The following TPM1 variants were observed in gnomAD, a reference collection of about 807,000 sequenced individuals.
TPM1 encodes tropomyosin 1.
TPM1 carries 24 observed loss-of-function variants against 42.9 expected under a neutral mutation model. The observed-to-expected ratio is 0.56, with a 90% CI of 0.41 to 0.79. The LOEUF is 0.79. TPM1 is among the 30% of genes least tolerant of loss of function. The pLI is 0.00. For synonymous variants in TPM1, 136 were observed against 130.1 expected, an observed-to-expected ratio of 1.05 and a Z score of -0.31; for missense variants, 158 against 351.8, an observed-to-expected ratio of 0.45 and a Z score of 4.41.
chr15:63,055,802 T>G (rs2034683940), intron 2 of TPM1: 1 of 152,210 alleles, frequency 6.6e-6, no homozygotes, highest in Non-Finnish European at 1.5e-5. Flanking sequence ...TGCACAATAT[T>G]TAAACAGCCA....
intron 4 of TPM1, 88 bp from the exon 5 acceptor site, chr15:63,060,781 T>C (rs1460151102): frequency 1.4e-6 from 2 of 1,434,662 alleles, no homozygotes; most frequent in African/African-American, 1.4e-5. Flanking sequence ...CCTTAGGGCC[T>C]GATGGGATCT....
At chr15:63,061,644 C>T in intron 5 of TPM1, 69 bp from the exon 6 acceptor site, 1 of 1,450,446 alleles carries the variant, frequency 6.9e-7, no homozygotes. Flanking sequence ...TTTCCCATCC[C>T]TCTCCTTTTT....
At chr15:63,046,354 T>G (rs1033897201) in intron 2 of TPM1, 1 of 152,200 alleles carries the variant, frequency 6.6e-6, no homozygotes, top group African/African-American at 2.4e-5. Context: ...AAGAGACAGA[T>G]GTCACTAGAA....
Position 63,048,670 on chromosome 15 carries a change from A to T in TPM1, c.240+4518A>T, listed in dbSNP as rs876658033. ...GCTGAGGAGCGCGCGGGCACCCTGC[A>T]GCGCGAGCTGGACCACGAGAGGAAG... On this transcript the variant is annotated intron_variant, in intron 2 of 9. Coordinates refer to ENST00000403994, the MANE Select transcript of TPM1 (RefSeq NM_001018005.2). 2 of 1,539,512 alleles carry T rather than the reference A, an allele frequency of 1.3e-6. No homozygotes were observed. The highest frequency in any genetic ancestry group is 1.7e-4 in the Middle Eastern group (1 of 5,960).
intron 8 of TPM1, chr15:63,063,350 A>G (rs1215698947): frequency 1.0e-6 from 1 of 985,474 alleles, no homozygotes; most frequent in Non-Finnish European, 1.2e-6. Flanking sequence ...AGAGAGAATG[A>G]CAAATGGTTG....
chr15:63,048,763 C>T (rs1005356142), intron 2 of TPM1: 14 of 1,511,138 alleles, frequency 9.3e-6, no homozygotes, highest in Non-Finnish European at 1.2e-5. Flanking sequence ...CCCGGGGCAG[C>T]CCCGCAGGGC....
At chr15:63,048,664 C>G (rs1314940534) in intron 2 of TPM1, 1 of 1,539,338 alleles carries the variant, frequency 6.5e-7, no homozygotes, top group South Asian at 1.2e-5. Context: ...CGCGCGGGCA[C>G]CCTGCAGCGC....
chr15:63,053,307 G>A (rs1272418815), intron 2 of TPM1, among the ~76,000 whole-genome samples: 1 of 152,176 alleles, frequency 6.6e-6, no homozygotes, highest in African/African-American at 2.4e-5. Context: ...GAGTTGGGGT[G>A]GGGGCCGGAG....
Position 63,042,810 on chromosome 15 carries a change from G to T in TPM1, c.-20G>T. The T allele has an allele frequency of 6.2e-7, 1 of 1,607,244 alleles. No individual in the cohort carries two copies. The highest frequency in any genetic ancestry group is 8.5e-7 in the Non-Finnish European group (1 of 1,174,896). ...CCCGCCGCTCCTGCTGCAGCCCCAGGGCCCCTCGCCGCCGCCACCATGGAC... is the reference window on the plus strand; with the variant it reads ...CCCGCCGCTCCTGCTGCAGCCCCAGTGCCCCTCGCCGCCGCCACCATGGAC... On this transcript the variant is annotated 5_prime_UTR_variant, in exon 1 of 10. Transcript: ENST00000403994.
downstream of TPM1, chr15:63,069,802 C>G (rs1168181294): frequency 3.7e-6 from 6 of 1,604,098 alleles, no homozygotes; most frequent in Non-Finnish European, 5.1e-6. Context: ...TTAACTGCCT[C>G]TCACCAAGTC....
intron 2 of TPM1, chr15:63,054,692 A>G (rs1308812033): frequency 6.6e-6 from 1 of 152,274 alleles, no homozygotes; most frequent in Non-Finnish European, 1.5e-5. Flanking sequence ...CTAATAGGCC[A>G]TAGCCTCTGT....
chr15:63,045,372 C>T (rs1422175202), intron 2 of TPM1: 1 of 152,144 alleles, frequency 6.6e-6, no homozygotes, highest in Non-Finnish European at 1.5e-5. Flanking sequence ...GGGGGAAGCA[C>T]TGATTTCGCT....
chr15:63,059,423 C>T, intron 3 of TPM1, 140 bp from the exon 4 acceptor site: 1 of 636,294 alleles, frequency 1.6e-6, no homozygotes, highest in Non-Finnish European at 2.9e-6. Flanking sequence ...TTGTTGTTTC[C>T]TGGTTTGGAA....
At chr15:63,059,156 T>A (rs2035246119) in intron 3 of TPM1, among the ~76,000 whole-genome samples, 1 of 152,224 alleles carries the variant, frequency 6.6e-6, no homozygotes, top group Non-Finnish European at 1.5e-5. Flanking sequence ...TAAGTTTGAT[T>A]TTGTTCTAGC....
chr15:63,057,220 G>A (rs1376834078), intron 3 of TPM1, 102 bp downstream of exon 3: 1 of 1,517,124 alleles, frequency 6.6e-7, no homozygotes, highest in Non-Finnish European at 9.0e-7. Flanking sequence ...TCAGTCCCCT[G>A]GTGGTGGGAT....
intron 2 of TPM1, chr15:63,048,369 G>T (rs951241859): frequency 2.4e-5 from 32 of 1,312,664 alleles, no homozygotes; most frequent in Non-Finnish European, 3.1e-5. Flanking sequence ...TCCCAGCCGC[G>T]CGCGCCCGCC....
chr15:63,043,684 G>T, intron 1 of TPM1: 2 of 1,540,898 alleles, frequency 1.3e-6, no homozygotes, highest in African/African-American at 2.7e-5. Context: ...GGCCGCCCGC[G>T]CCCGCCCGCC....
At chr15:63,051,725 C>G (rs1459240275) in intron 2 of TPM1, among the ~76,000 whole-genome samples, 1 of 152,116 alleles carries the variant, frequency 6.6e-6, no homozygotes, top group Admixed American at 6.5e-5. Flanking sequence ...GAAACATATT[C>G]CAGAGGATTG....
chr15:63,062,790 T>G (rs754339678), intron 8 of TPM1, 145 bp downstream of exon 8: 1 of 1,547,938 alleles, frequency 6.5e-7, no homozygotes, highest in Non-Finnish European at 8.7e-7. Context: ...GGTTTTTCTC[T>G]GTGGCTCTTG....
Sources: gnomAD v4.1 joint callset for allele counts (sites outside exome capture counted in the v4.1 genomes callset) on GRCh38, gnomAD v4.1.1 for gene constraint, MANE v1.5 for transcripts, NCBI Gene and HGNC (gene_info 2026-07-23, HGNC 2026-07-21) for gene names.